Variants in ZNF254 observed in about 807,000 individuals in gnomAD.
The protein encoded by ZNF254 is CTD-2017D11.1.
ZNF254 carries 10 observed loss-of-function variants against 12.4 expected under a neutral mutation model. The observed-to-expected ratio is 0.80, with a 90% CI of 0.50 to 1.36. The LOEUF is 1.36. Among genes scored for constraint, ZNF254 ranks in the 40% most tolerant of loss-of-function variants. ZNF254 has a pLI of 0.00. For missense variants in ZNF254, 996 were observed against 763.9 expected (o/e 1.30, Z -3.58); for synonymous variants, 305 against 253.4 (o/e 1.20, Z -1.93).
chr19:24,039,687 A>G (rs8113462), intron 1 of ZNF254, among the ~76,000 whole-genome samples: 22,744 of 152,186 alleles, frequency 0.15, 2,675 homozygotes, highest in African/African-American at 0.33. Context: ...TGAAACAGTC[A>G]TGGACTCTAC....
intron 1 of ZNF254, among the ~76,000 whole-genome samples, chr19:24,045,358 C>T (rs539185962): frequency 6.6e-6 from 1 of 152,190 alleles, no homozygotes; most frequent in Admixed American, 6.5e-5. Flanking sequence ...TCCCCCCTCC[C>T]CTTGTAGACT....
At chr19:24,107,456 T>A (rs1973416123) in intron 3 of ZNF254, 1 of 363,582 alleles carries the variant, frequency 2.8e-6, no homozygotes, top group South Asian at 9.5e-5. Flanking sequence ...ATTGATATTG[T>A]ACATAAGTTT....
At position 24,105,998 on chromosome 19, in the gene ZNF254, T is replaced by C; in HGVS notation, c.89T>C (p.Leu30Pro). ...IEFSLEEWQH[L>P]DIAQQNLYRN... ...TTCTCTCTGGAGGAGTGGCAACACC[T>C]GGACATTGCACAGCAGAATTTATAT... Residue 30 changes from leucine to proline, a missense_variant, in exon 2 of 4, where the codon CTG (leucine) becomes CCG (proline). Transcript: ENST00000357002. The C allele has an allele frequency of 1.2e-6, 2 of 1,600,686 alleles. No homozygotes were observed. Among genetic ancestry groups the C allele is most frequent in the Non-Finnish European group, 1.7e-6 (2 of 1,171,914 alleles).
intron 1 of ZNF254, among the ~76,000 whole-genome samples, chr19:24,089,689 CATT>C (rs1343576530): frequency 6.6e-6 from 1 of 151,904 alleles, no homozygotes; most frequent in Non-Finnish European, 1.5e-5. Context: ...GTCTAAAAGG[CATT>C]TCCTAGTGCA....
chr19:24,064,359 G>C (rs1448220144), intron 2 of ZNF254, among the ~76,000 whole-genome samples: 1 of 152,038 alleles, frequency 6.6e-6, no homozygotes, highest in Non-Finnish European at 1.5e-5. Flanking sequence ...CACCCCTCAG[G>C]GGTATTGTGA....
At position 24,128,286 on chromosome 19, in the gene ZNF254, A is replaced by G; in HGVS notation, c.*306A>G. On this transcript the variant is annotated 3_prime_UTR_variant, in exon 4 of 4. Transcript: ENST00000357002. ...GGAAAGCATTTATACTTGAGAAGAA[A>G]TGTACAAATATTGGCAAAGTAAAAA... 3.7e-6 allele frequency: 1 copy of G among 271,990 alleles called. No homozygotes were observed. The highest frequency in any genetic ancestry group is 6.8e-6 in the Non-Finnish European group (1 of 146,634). The allele number at this position is 271,990 out of a possible 1,614,324, so 16.8% of individuals were successfully genotyped here. A position where few individuals can be genotyped will look rare whatever the true frequency, so the allele number is the denominator to read the frequency against.
At chr19:24,049,056 CTCTG>C (rs142039251) in intron 2 of ZNF254, 23,849 of 150,578 alleles carry the variant, frequency 0.16, 2,065 homozygotes, top group Middle Eastern at 0.22. Context: ...CTGGTTCTAT[CTCTG>C]TCTGTCTGTC....
intron 2 of ZNF254, among the ~76,000 whole-genome samples, chr19:24,075,780 G>A (rs377485441): frequency 3.5e-4 from 54 of 152,290 alleles, no homozygotes; most frequent in South Asian, 1.2e-3. Flanking sequence ...GCCTGGGGGC[G>A]CTGCAGGAGA....
At chr19:24,087,361 C>G in intron 1 of ZNF254, 24 bp downstream of exon 1, 1 of 1,613,258 alleles carries the variant, frequency 6.2e-7, no homozygotes, top group Non-Finnish European at 8.5e-7. Flanking sequence ...TCCGACATCC[C>G]GAGAGAGGGG....
chr19:24,043,985 A>G (rs966726743), intron 1 of ZNF254, among the ~76,000 whole-genome samples: 1 of 152,148 alleles, frequency 6.6e-6, no homozygotes, highest in African/African-American at 2.4e-5. Flanking sequence ...TCACGCCTGT[A>G]ATCTCAGCCC....
chr19:24,097,764 A>C (rs892526526), intron 1 of ZNF254, among the ~76,000 whole-genome samples: 1 of 148,244 alleles, frequency 6.7e-6, no homozygotes, highest in Non-Finnish European at 1.5e-5. Flanking sequence ...CTGGGCAACA[A>C]AAGCAAAACT....
In ZNF254 at chr19:24,087,301, A is replaced by G. The variant is rs1475055248; in HGVS notation, c.-7A>G. ...TTACCAGCAGGTATTGGAGATCCAC[A>G]GCTAAGATGCCAGGACCCCCTAGAA... On this transcript the variant is annotated 5_prime_UTR_variant, in exon 1 of 4. Coordinates refer to ENST00000357002, the MANE Select transcript of ZNF254 (RefSeq NM_203282.4). 3.1e-6 allele frequency: 5 copies of G among 1,613,532 alleles called. No individual in the cohort carries two copies. The South Asian group carries it at 5.5e-5, about 18-fold the overall frequency.
intron 3 of ZNF254, among the ~76,000 whole-genome samples, chr19:24,110,843 A>C (rs1469985374): frequency 1.3e-5 from 2 of 152,114 alleles, no homozygotes; most frequent in Non-Finnish European, 2.9e-5. Flanking sequence ...GTATCTTTAA[A>C]AGTGACAAGA....
rs889054826 is a variant in ZNF254, at chr19:24,128,278, G to T, written c.*298G>T. On this transcript the variant is annotated 3_prime_UTR_variant, in exon 4 of 4. Transcript: ENST00000357002. ...ATTGCACAGGAAAGCATTTATACTT[G>T]AGAAGAAATGTACAAATATTGGCAA... is the stretch of plus-strand genomic sequence containing the variant. The T allele has an allele frequency of 1.4e-5, 4 of 290,588 alleles. No homozygotes were observed. Among genetic ancestry groups the T allele is most frequent in the African/African-American group, 6.5e-5 (3 of 46,080 alleles). 18.0% of individuals were successfully genotyped at this position (290,588 alleles called of 1,614,324 possible).
chr19:24,046,684 A>G (rs1041055864), intron 2 of ZNF254, among the ~76,000 whole-genome samples: 1 of 152,046 alleles, frequency 6.6e-6, no homozygotes, highest in African/African-American at 2.4e-5. Context: ...CAATGTGAAC[A>G]ACAATTATTT....
At chr19:24,067,692 C>T (rs747050251) in intron 2 of ZNF254, among the ~76,000 whole-genome samples, 13 of 151,516 alleles carry the variant, frequency 8.6e-5, no homozygotes, top group Non-Finnish European at 1.8e-4. Context: ...TTAGGTGATA[C>T]GACCCTTCCT....
At chr19:24,059,242 A>T (rs1970979648) in intron 2 of ZNF254, among the ~76,000 whole-genome samples, 1 of 151,748 alleles carries the variant, frequency 6.6e-6, no homozygotes, top group African/African-American at 2.4e-5. Flanking sequence ...CCCATTTCCT[A>T]CCCTGTGTTT....
At chr19:24,053,601 C>G (rs1251703977) in intron 2 of ZNF254, among the ~76,000 whole-genome samples, 1 of 152,022 alleles carries the variant, frequency 6.6e-6, no homozygotes, top group East Asian at 1.9e-4. Context: ...CTAGGCTTTT[C>G]CTAAGAAGGG....
In ZNF254 at chr19:24,127,449, G is replaced by A; in HGVS notation, c.1449G>A (p.Met483Ile). 6.2e-7 allele frequency: 1 copy of A among 1,604,450 alleles called. No homozygotes were observed. The highest frequency in any genetic ancestry group is 8.5e-7 in the Non-Finnish European group (1 of 1,176,050). ...CAACCCTAACTAGACATAAGAGGAT[G>A]CACACTGGAGAGAAACCCTACAAAT... ...WSSTLTRHKRMHTGEKPYKCE... is the reference protein window; with the variant it reads ...WSSTLTRHKRIHTGEKPYKCE... The change falls in exon 4 of 4, where the codon ATG (methionine) becomes ATA (isoleucine). Residue 483 changes from methionine to isoleucine, a missense_variant. Transcript: ENST00000357002.
Sources: gnomAD v4.1 joint callset for allele counts (sites outside exome capture counted in the v4.1 genomes callset) on GRCh38, gnomAD v4.1.1 for gene constraint, MANE v1.5 for transcripts, NCBI Gene and HGNC (gene_info 2026-07-23, HGNC 2026-07-21) for gene names.